Variants in GPM6A observed in about 807,000 individuals in gnomAD.
GPM6A encodes the protein glycoprotein M6A, also known as neuronal membrane glycoprotein M6-a.
In GPM6A, 7 loss-of-function variants were observed where a neutral mutation model predicts 32.1. The ratio of observed to expected loss-of-function variants is 0.22; its 90% CI spans 0.12 to 0.41. The LOEUF (loss-of-function observed/expected upper bound fraction) is 0.41. Ranked by LOEUF, GPM6A falls within the 10% of genes least tolerant of loss-of-function variation. GPM6A has a pLI of 1.00. For missense variants in GPM6A, 235 were observed against 347.2 expected, an observed-to-expected ratio of 0.68 and a Z score of 2.57; for synonymous variants, 130 against 123.4, an observed-to-expected ratio of 1.05 and a Z score of -0.35.
intron 1 of GPM6A, among the ~76,000 whole-genome samples, chr4:175,797,074 T>C (rs1734263125): frequency 6.6e-6 from 1 of 152,190 alleles, no homozygotes; most frequent in South Asian, 2.1e-4. Flanking sequence ...TCATATTCCA[T>C]ACCAATGTAT....
At chr4:175,977,547 T>C (rs1185028137) in intron 1 of GPM6A, among the ~76,000 whole-genome samples, 1 of 152,206 alleles carries the variant, frequency 6.6e-6, no homozygotes, top group Admixed American at 6.6e-5. Flanking sequence ...TATCTAAAAA[T>C]AGTAATACAT....
chr4:175,758,415 A>G (rs1357231676), intron 1 of GPM6A, among the ~76,000 whole-genome samples: 1 of 152,152 alleles, frequency 6.6e-6, no homozygotes, highest in African/African-American at 2.4e-5. Flanking sequence ...TGATATGATG[A>G]AAGTCGTAAG....
intron 1 of GPM6A, among the ~76,000 whole-genome samples, chr4:175,730,608 C>A (rs1460264206): frequency 6.6e-6 from 1 of 151,646 alleles, no homozygotes; most frequent in Admixed American, 6.6e-5. Context: ...GTAGGTGGGA[C>A]TACAGGCGCC....
intron 1 of GPM6A, among the ~76,000 whole-genome samples, chr4:175,998,108 A>C (rs760593146): frequency 6.6e-6 from 1 of 150,918 alleles, no homozygotes; most frequent in African/African-American, 2.4e-5. Flanking sequence ...ATGTGTTCCT[A>C]ACATACTAAA....
intron 1 of GPM6A, among the ~76,000 whole-genome samples, chr4:175,901,081 G>A (rs1385555751): frequency 6.6e-6 from 1 of 151,098 alleles, no homozygotes; most frequent in African/African-American, 2.4e-5. Flanking sequence ...CAAAACAATT[G>A]AACTCATGGA....
chr4:175,680,708 C>G (rs977977636), intron 2 of GPM6A, among the ~76,000 whole-genome samples: 1 of 152,196 alleles, frequency 6.6e-6, no homozygotes. Flanking sequence ...CCTGTCCGTC[C>G]TGTTCCTTGT....
At chr4:175,639,266 A>G (rs1224603160) in intron 6 of GPM6A, among the ~76,000 whole-genome samples, 2 of 152,194 alleles carry the variant, frequency 1.3e-5, no homozygotes, top group Non-Finnish European at 2.9e-5. Flanking sequence ...TCTTATTTTT[A>G]GTCTCTGACA....
At chr4:175,798,210 T>C (rs890692589) in intron 1 of GPM6A, among the ~76,000 whole-genome samples, 2 of 152,216 alleles carry the variant, frequency 1.3e-5, no homozygotes, top group Non-Finnish European at 2.9e-5. Context: ...ATAGTCACTC[T>C]TCTAAGTTAT....
rs1442868211 is a variant in GPM6A, at chr4:175,701,697, G to A, written c.108C>T (p.Leu36=). ...CACAGAACAGGGCAACACCCGCATA[G>A]AGCAGGATGGTGGCAATCAGAGAGG... ...PYASLIATIL[L]YAGVALFCGC... is the part of the protein sequence containing the mutation. The change falls in exon 2 of 7, where the codon CTC becomes CTT. Residue 36 remains leucine, a synonymous_variant. Coordinates refer to ENST00000393658, the MANE Select transcript of GPM6A (RefSeq NM_201591.3). 1.2e-6 allele frequency: 2 copies of A among 1,613,878 alleles called. No homozygotes were observed. The highest frequency in any genetic ancestry group is 1.7e-6 in the Non-Finnish European group (2 of 1,179,760).
chr4:175,788,741 C>A (rs1297220490), intron 1 of GPM6A, among the ~76,000 whole-genome samples: 6 of 152,054 alleles, frequency 3.9e-5, no homozygotes, highest in African/African-American at 1.4e-4. Flanking sequence ...TTTAAAATAC[C>A]AGCCAATGAT....
chr4:175,772,635 A>G (rs978767971), intron 1 of GPM6A, among the ~76,000 whole-genome samples: 1 of 152,180 alleles, frequency 6.6e-6, no homozygotes, highest in African/African-American at 2.4e-5. Flanking sequence ...GAGGAAAAAA[A>G]AATTAAAAGG....
chr4:175,793,205 TGA>T (rs2111281518), intron 1 of GPM6A, among the ~76,000 whole-genome samples: 1 of 152,312 alleles, frequency 6.6e-6, no homozygotes, highest in African/African-American at 2.4e-5. Flanking sequence ...ACTGCCCTTC[TGA>T]AAGATGTTCT....
chr4:175,750,959 G>T (rs1732311290), intron 1 of GPM6A, among the ~76,000 whole-genome samples: 1 of 152,008 alleles, frequency 6.6e-6, no homozygotes, highest in Admixed American at 6.6e-5. Flanking sequence ...ATAATCTTCA[G>T]GGAAATTCGT....
chr4:176,002,202 T>A (rs1032190603), intron 1 of GPM6A: 2 of 1,228,746 alleles, frequency 1.6e-6, no homozygotes, highest in Middle Eastern at 1.9e-4. Flanking sequence ...GGAACAGAGC[T>A]GGGAAGGACG....
upstream of GPM6A, among the ~76,000 whole-genome samples, chr4:175,815,447 G>T (rs896254301): frequency 1.3e-5 from 2 of 152,168 alleles, no homozygotes; most frequent in Non-Finnish European, 2.9e-5. Flanking sequence ...TAGTAGATTT[G>T]CTTTATTAAT....
intron 1 of GPM6A, among the ~76,000 whole-genome samples, chr4:175,964,237 AAAAG>A (rs549427544): frequency 2.2e-4 from 33 of 152,238 alleles, no homozygotes; most frequent in African/African-American, 6.0e-4. Flanking sequence ...CACTCAAAAA[AAAAG>A]AGAGAGACTA....
intron 2 of GPM6A, among the ~76,000 whole-genome samples, chr4:175,698,000 G>T (rs1744672535): frequency 6.6e-6 from 1 of 152,166 alleles, no homozygotes; most frequent in African/African-American, 2.4e-5. Flanking sequence ...TGCGTTTGCT[G>T]TTGCCTTTCA....
intron 1 of GPM6A, among the ~76,000 whole-genome samples, chr4:175,886,578 G>T (rs1339100308): frequency 6.6e-6 from 1 of 152,042 alleles, no homozygotes; most frequent in Non-Finnish European, 1.5e-5. Context: ...AATTAAGACT[G>T]CGTCACATCA....
At chr4:175,813,566 A>G (rs1340859126), upstream of GPM6A, among the ~76,000 whole-genome samples, 2 of 152,046 alleles carry the variant, frequency 1.3e-5, no homozygotes, top group East Asian at 1.9e-4. Flanking sequence ...ACACAAGCAC[A>G]CACACGGAGA....
Sources: gnomAD v4.1 joint callset for allele counts (sites outside exome capture counted in the v4.1 genomes callset) on GRCh38, gnomAD v4.1.1 for gene constraint, MANE v1.5 for transcripts, NCBI Gene and HGNC (gene_info 2026-07-23, HGNC 2026-07-21) for gene names.